Variants in PCDHA2 observed in about 807,000 individuals in gnomAD.
PCDHA2 encodes protocadherin alpha 2.
Under a neutral mutation model 66.0 loss-of-function variants are expected in PCDHA2, and 58 were observed. The observed-to-expected ratio is 0.88, with a 90% CI of 0.71 to 1.09. The LOEUF is 1.09. Among genes scored for constraint, PCDHA2 ranks in the 50% least tolerant of loss-of-function variants. The pLI is 0.00. For missense variants in PCDHA2, 1,267 were observed against 1,242.3 expected (o/e 1.02, Z -0.30); for synonymous variants, 634 against 554.0 (o/e 1.14, Z -2.03).
At chr5:141,003,432 C>T (rs1175854943) in intron 3 of PCDHA2, among the ~76,000 whole-genome samples, 1 of 152,124 alleles carries the variant, frequency 6.6e-6, no homozygotes, top group African/African-American at 2.4e-5. Context: ...ATGCCTCAGC[C>T]TCCCAAGTAG....
intron 1 of PCDHA2, chr5:140,821,931 G>C: frequency 1.2e-6 from 2 of 1,614,176 alleles, no homozygotes; most frequent in Non-Finnish European, 8.5e-7. Context: ...AGGACCTAGG[G>C]CTGGAGCTGG....
intron 1 of PCDHA2, chr5:140,824,609 A>AAT (rs1554129932): frequency 1.3e-5 from 1 of 76,914 alleles, no homozygotes; most frequent in Non-Finnish European, 2.4e-5. Context: ...TGCTAATTAA[A>AAT]GTTTTTTTTT....
At chr5:140,841,728 A>G (rs1777450155) in intron 1 of PCDHA2, 3 of 1,613,768 alleles carry the variant, frequency 1.9e-6, no homozygotes, top group Admixed American at 3.3e-5. Flanking sequence ...TTCCGGGTAA[A>G]AGACCAAAAG....
intron 1 of PCDHA2, among the ~76,000 whole-genome samples, chr5:140,908,772 A>G (rs2074146123): frequency 6.6e-6 from 1 of 152,144 alleles, no homozygotes; most frequent in East Asian, 1.9e-4. Flanking sequence ...CGTGTTGTAG[A>G]GTCTTCTCCT....
At chr5:140,948,447 A>G (rs2094256090) in intron 1 of PCDHA2, among the ~76,000 whole-genome samples, 1 of 151,282 alleles carries the variant, frequency 6.6e-6, no homozygotes, top group Non-Finnish European at 1.5e-5. Flanking sequence ...TGTGCCAGGG[A>G]TTTTCTTTTA....
chr5:140,884,961 C>A (rs1454276450), intron 1 of PCDHA2, among the ~76,000 whole-genome samples: 1 of 152,126 alleles, frequency 6.6e-6, no homozygotes, highest in Non-Finnish European at 1.5e-5. Context: ...AAATTCCTCA[C>A]GTTGTGAGAA....
In PCDHA2 at chr5:140,981,033, G is replaced by GA. The variant is rs148859655; in HGVS notation, c.2448-1434dup. ...CACTTGAAGGCTGTTAATATTTGGG[G>GA]AAAAAAAACAGATAATTCTAGAGTG... On this transcript the variant is annotated intron_variant, in intron 2 of 3. Transcript: ENST00000526136. 8.2e-3 allele frequency among the ~76,000 whole-genome samples: 1,241 copies of GA among 151,610 alleles called. 19 individuals are homozygous for GA. Among genetic ancestry groups the GA allele is most frequent in the African/African-American group, 0.027 (1,115 of 41,338 alleles).
intron 1 of PCDHA2, chr5:140,808,943 G>C: frequency 1.9e-6 from 3 of 1,613,730 alleles, no homozygotes; most frequent in Non-Finnish European, 1.7e-6. Context: ...ATGGTCGGTG[G>C]GTGTGGGCCA....
In PCDHA2 at chr5:140,849,868, C is replaced by T. The variant is rs1554143431; in HGVS notation, c.2388+52516C>T. 16 of 1,598,490 alleles carry T rather than the reference C, an allele frequency of 1.0e-5. 1 individual carries two copies. In the Middle Eastern group the frequency reaches 6.8e-4, roughly 68 times the overall value. On this transcript the variant is annotated intron_variant, in intron 1 of 3. Transcript: ENST00000526136. ...GACAACGCACCAGCGTTCGCGCAGT[C>T]CGAGTACACGGTGTTCGTGAAGGAG...
chr5:140,908,493 G>T (rs545927854), intron 1 of PCDHA2, among the ~76,000 whole-genome samples: 14 of 152,270 alleles, frequency 9.2e-5, no homozygotes, highest in African/African-American at 3.4e-4. Flanking sequence ...AGTTCAGGTT[G>T]CTTGGTGACT....
At chr5:140,927,575 A>G (rs782237037) in intron 1 of PCDHA2, 1 of 1,614,202 alleles carries the variant, frequency 6.2e-7, no homozygotes, top group South Asian at 1.1e-5. Context: ...GACACAAATG[A>G]CAACGCGCCT....
chr5:140,940,551 T>C (rs2092639776), intron 1 of PCDHA2, among the ~76,000 whole-genome samples: 1 of 152,214 alleles, frequency 6.6e-6, no homozygotes, highest in African/African-American at 2.4e-5. Context: ...TGGGCTCAAG[T>C]GATTCTCCTA....
At chr5:140,967,206 G>A in intron 1 of PCDHA2, 2 of 1,613,644 alleles carry the variant, frequency 1.2e-6, no homozygotes, top group South Asian at 2.2e-5. Flanking sequence ...AACTCACCGC[G>A]TTTCCCGCGG....
chr5:140,871,535 G>T (rs577559822), intron 1 of PCDHA2: 2 of 1,514,054 alleles, frequency 1.3e-6, no homozygotes, highest in Admixed American at 4.8e-5. Flanking sequence ...AAGTGTATGT[G>T]AAATTATTTA....
intron 1 of PCDHA2, among the ~76,000 whole-genome samples, chr5:140,909,836 C>T (rs2074710574): frequency 6.6e-6 from 1 of 152,176 alleles, no homozygotes; most frequent in South Asian, 2.1e-4. Flanking sequence ...ACTGGAGGAC[C>T]ACCAGGACGT....
intron 1 of PCDHA2, chr5:140,822,209 G>A (rs2150114554): frequency 6.2e-7 from 1 of 1,614,228 alleles, no homozygotes; most frequent in Non-Finnish European, 8.5e-7. Context: ...TTAGAGTCAA[G>A]AATGCCAGAT....
rs570047063 is a variant in PCDHA2 at position 140,797,025 on chromosome 5, G to A, written c.2061G>A (p.Ala687=). 41 of 1,613,580 alleles carry A rather than the reference G, an allele frequency of 2.5e-5. No individual in the cohort carries two copies. The highest frequency in any genetic ancestry group is 4.5e-5 in the East Asian group (2 of 44,878). The part of the protein sequence containing the change: ...KASSRAWVGA[A]GSEATLVDVN... ...CGTCGCGGGCGTGGGTGGGCGCCGC[G>A]GGCTCAGAGGCTACGCTGGTGGATG... The change falls in exon 1 of 4, where the codon GCG becomes GCA. Residue 687 remains alanine (A), a synonymous_variant. Coordinates refer to ENST00000526136, the MANE Select transcript of PCDHA2 (RefSeq NM_018905.3).
At chr5:140,925,513 A>G (rs2082534793) in intron 1 of PCDHA2, among the ~76,000 whole-genome samples, 1 of 152,104 alleles carries the variant, frequency 6.6e-6, no homozygotes, top group South Asian at 2.1e-4. Flanking sequence ...CACGCAAAAG[A>G]CCAAATTAAA....
chr5:140,797,543 G>GT (rs1554120468), intron 1 of PCDHA2, 191 bp downstream of exon 1: 1 of 752,594 alleles, frequency 1.3e-6, no homozygotes, highest in African/African-American at 1.8e-5. Flanking sequence ...CTACATAACT[G>GT]TTTTCTTATT....
Sources: gnomAD v4.1 joint callset for allele counts (sites outside exome capture counted in the v4.1 genomes callset) on GRCh38, gnomAD v4.1.1 for gene constraint, MANE v1.5 for transcripts, NCBI Gene and HGNC (gene_info 2026-07-23, HGNC 2026-07-21) for gene names.